The following PLEKHM3 variants were observed in gnomAD, a reference collection of about 807,000 sequenced individuals.
PLEKHM3 encodes pleckstrin homology domain-containing family M member 3.
Under a neutral mutation model 81.8 loss-of-function variants are expected in PLEKHM3, and 45 were observed. That is an observed-to-expected ratio of 0.55 (90% CI 0.43 to 0.71). PLEKHM3 has a LOEUF of 0.71. Ranked by LOEUF, PLEKHM3 falls within the 30% of genes least tolerant of loss-of-function variation. The probability of loss-of-function intolerance (pLI) is 0.00; values close to 1 mark genes in which losing one functional copy is unlikely to be tolerated. For missense variants in PLEKHM3, 788 were observed against 924.3 expected, an observed-to-expected ratio of 0.85 and a Z score of 1.91; for synonymous variants, 352 against 356.4, an observed-to-expected ratio of 0.99 and a Z score of 0.14.
intron 5 of PLEKHM3, among the ~76,000 whole-genome samples, chr2:207,919,529 T>C (rs1198850166): frequency 1.3e-5 from 2 of 151,926 alleles, no homozygotes; most frequent in Admixed American, 1.3e-4. Flanking sequence ...GCAGTGAAAG[T>C]GGTGAAAAGT....
intron 7 of PLEKHM3, among the ~76,000 whole-genome samples, chr2:207,855,481 G>C (rs2092433097): frequency 6.6e-6 from 1 of 152,188 alleles, no homozygotes; most frequent in East Asian, 1.9e-4. Context: ...TCCATACTTG[G>C]CTCCCAAGAG....
rs1692163522 is a variant in PLEKHM3, at chr2:207,997,578, C to T, written c.610+3452G>A. The stretch of plus-strand genomic sequence containing the variant: ...CAGACACAAAACCTGTTGACCTCAT[C>T]GAAAGAAATCCACTGAGGAAATTTT... On this transcript the variant is annotated intron_variant, in intron 2 of 7. Coordinates refer to ENST00000427836, the MANE Select transcript of PLEKHM3 (RefSeq NM_001080475.3). Among the ~76,000 whole-genome samples the T allele has an allele frequency of 2.6e-5, 4 of 152,284 alleles. No homozygotes were observed. The Middle Eastern group carries it at 0.01, about 388-fold the overall frequency.
At chr2:207,943,145 A>T (rs373951242) in intron 4 of PLEKHM3, among the ~76,000 whole-genome samples, 6 of 152,348 alleles carry the variant, frequency 3.9e-5, no homozygotes, top group East Asian at 3.9e-4. Context: ...AGTTCATAAC[A>T]ATTTATTGTA....
chr2:207,984,100 T>A (rs1691634121), intron 2 of PLEKHM3, among the ~76,000 whole-genome samples: 1 of 152,244 alleles, frequency 6.6e-6, no homozygotes, highest in Non-Finnish European at 1.5e-5. Context: ...AAGAGTAAGA[T>A]GAATGCCAGG....
intron 7 of PLEKHM3, among the ~76,000 whole-genome samples, chr2:207,845,828 T>C (rs979333671): frequency 2.6e-5 from 4 of 152,256 alleles, no homozygotes; most frequent in Admixed American, 2.0e-4. Flanking sequence ...ATAAAAAGTC[T>C]ATTCCCTCAT....
chr2:207,938,596 A>C (rs909238851), intron 4 of PLEKHM3, among the ~76,000 whole-genome samples: 2 of 152,240 alleles, frequency 1.3e-5, no homozygotes, highest in African/African-American at 4.8e-5. Context: ...GAGAAAAGAC[A>C]GCCAGACACT....
Position 208,001,170 on chromosome 2 carries a change from A to G in PLEKHM3, c.470T>C (p.Val157Ala), listed in dbSNP as rs1278746152. 1 of 1,614,068 alleles carries G rather than the reference A, an allele frequency of 6.2e-7. No homozygotes were observed. Among genetic ancestry groups the G allele is most frequent in the Admixed American group, 1.7e-5 (1 of 60,000 alleles). The change falls in exon 2 of 8, where the codon GTG becomes GCG. Residue 157 changes from valine to alanine, a missense_variant. By Grantham distance (64) the Val-to-Ala change is moderately conservative. Transcript: ENST00000427836. ...GGTTTTGAGGACTACCCTCCAGTCC[A>G]CTTGGGTAATATCTGATCGTGATCG... ...HARSRSDITQ[V>A]DWRVVLKTTP...
intron 1 of PLEKHM3, among the ~76,000 whole-genome samples, chr2:208,006,158 C>A (rs907001444): frequency 6.6e-6 from 1 of 152,180 alleles, no homozygotes; most frequent in Admixed American, 6.5e-5. Context: ...TGTTTTCCAA[C>A]CTTACTCTTT....
Position 208,001,294 on chromosome 2 carries a change from T to C in PLEKHM3, c.346A>G (p.Thr116Ala). Residue 116 changes from threonine (T) to alanine (A), a missense_variant, in exon 2 of 8, where the codon ACC becomes GCC. Coordinates refer to ENST00000427836, the MANE Select transcript of PLEKHM3 (RefSeq NM_001080475.3). ...LSWMEQKEAS[T>A]FNFFNICQRR... ...TGACAGATATTGAAGAAATTAAAGG[T>C]TGATGCTTCCTTTTGTTCCATCCAG... 2 of 1,614,212 alleles carry C rather than the reference T, an allele frequency of 1.2e-6. No homozygotes were observed. Among genetic ancestry groups the C allele is most frequent in the Non-Finnish European group, 8.5e-7 (1 of 1,180,038 alleles).
At chr2:207,960,442 G>A (rs1230812240) in intron 3 of PLEKHM3, among the ~76,000 whole-genome samples, 1 of 152,198 alleles carries the variant, frequency 6.6e-6, no homozygotes, top group Non-Finnish European at 1.5e-5. Flanking sequence ...ATGCCCTTCA[G>A]GACTCCAGCT....
At chr2:207,882,892 G>A (rs1436677554) in intron 6 of PLEKHM3, among the ~76,000 whole-genome samples, 1 of 151,864 alleles carries the variant, frequency 6.6e-6, no homozygotes, top group African/African-American at 2.4e-5. Context: ...GGGATTACAG[G>A]TGCCCGCCAC....
chr2:207,922,938 T>C (rs1689236541), intron 5 of PLEKHM3, among the ~76,000 whole-genome samples: 1 of 152,156 alleles, frequency 6.6e-6, no homozygotes, highest in Non-Finnish European at 1.5e-5. Flanking sequence ...GCACTTGAGT[T>C]GGCTTTAAAG....
intron 5 of PLEKHM3, among the ~76,000 whole-genome samples, chr2:207,916,207 A>T (rs747438071): frequency 3.1e-4 from 47 of 152,198 alleles, no homozygotes; most frequent in Non-Finnish European, 7.3e-5. Flanking sequence ...TACAGGAAAT[A>T]AGGGTCCTTT....
chr2:207,919,292 GA>G (rs1689104213), intron 5 of PLEKHM3, among the ~76,000 whole-genome samples: 1 of 152,194 alleles, frequency 6.6e-6, no homozygotes, highest in South Asian at 2.1e-4. Flanking sequence ...GAATGAGGGG[GA>G]AAGTAGTGGG....
At chr2:207,885,061 A>T (rs1379938629) in intron 6 of PLEKHM3, among the ~76,000 whole-genome samples, 1 of 152,242 alleles carries the variant, frequency 6.6e-6, no homozygotes, top group Non-Finnish European at 1.5e-5. Flanking sequence ...TGTAAGGGAC[A>T]GGGCCACTCA....
At chr2:207,829,541 T>A (rs2092272906) in intron 7 of PLEKHM3, among the ~76,000 whole-genome samples, 1 of 152,152 alleles carries the variant, frequency 6.6e-6, no homozygotes, top group Non-Finnish European at 1.5e-5. Context: ...CTTCCCAAAG[T>A]GCTAGGATTA....
chr2:207,866,689 G>A (rs1237386857), intron 6 of PLEKHM3, among the ~76,000 whole-genome samples: 1 of 152,084 alleles, frequency 6.6e-6, no homozygotes, highest in East Asian at 1.9e-4. Flanking sequence ...GCTTGCTCTT[G>A]CTCCTGTGCC....
intron 4 of PLEKHM3, among the ~76,000 whole-genome samples, chr2:207,932,206 A>C (rs1214887548): frequency 6.6e-6 from 1 of 152,222 alleles, no homozygotes; most frequent in East Asian, 1.9e-4. Context: ...GGTAATCCAC[A>C]AGACTATGAA....
chr2:207,904,934 T>C (rs555688558), intron 6 of PLEKHM3, among the ~76,000 whole-genome samples: 7 of 152,348 alleles, frequency 4.6e-5, no homozygotes, highest in African/African-American at 1.7e-4. Flanking sequence ...TAAGTATTAT[T>C]AGTGCTTTGT....
Sources: gnomAD v4.1 joint callset for allele counts (sites outside exome capture counted in the v4.1 genomes callset) on GRCh38, gnomAD v4.1.1 for gene constraint, MANE v1.5 for transcripts, NCBI Gene and HGNC (gene_info 2026-07-23, HGNC 2026-07-21) for gene names.